Variants in FARS2 observed in about 807,000 individuals in gnomAD.
FARS2 encodes phenylalanine--tRNA ligase, mitochondrial.
In FARS2, 40 loss-of-function variants were observed where a neutral mutation model predicts 46.4. The observed-to-expected ratio is 0.86, with a 90% CI of 0.67 to 1.12. FARS2 has a LOEUF of 1.12. Ranked by LOEUF, FARS2 falls within the 50% of genes most tolerant of loss-of-function variation. The pLI is 0.00. For synonymous variants in FARS2, 234 were observed against 214.9 expected, an observed-to-expected ratio of 1.09 and a Z score of -0.78; for missense variants, 513 against 567.9, an observed-to-expected ratio of 0.90 and a Z score of 0.98.
chr6:5,476,285 G>T (rs450366), intron 4 of FARS2, among the ~76,000 whole-genome samples: 2 of 151,636 alleles, frequency 1.3e-5, no homozygotes, highest in African/African-American at 4.8e-5. Flanking sequence ...CCTTTGAGTC[G>T]TGTTTTCTAT....
intron 4 of FARS2, among the ~76,000 whole-genome samples, chr6:5,528,476 C>A (rs2150447080): frequency 6.6e-6 from 1 of 152,300 alleles, no homozygotes; most frequent in Admixed American, 6.5e-5. Flanking sequence ...CACTGATTTG[C>A]ATATGTATTT....
At position 5,505,090 on chromosome 6, in the gene FARS2, T is replaced by C. The variant is rs539446859; in HGVS notation, c.905-40090T>C. The stretch of plus-strand genomic sequence containing the variant: ...AATAAATAGACATTTCAAAATAATA[T>C]AATTTTAATTATTTGTGGTACCTAC... On this transcript the variant is annotated intron_variant, in intron 4 of 6. Transcript: ENST00000274680. 6.6e-5 allele frequency among the ~76,000 whole-genome samples: 10 copies of C among 152,370 alleles called. No homozygotes were observed. The South Asian group carries it at 2.1e-3, about 32-fold the overall frequency.
intron 1 of FARS2, among the ~76,000 whole-genome samples, chr6:5,315,610 A>G (rs1769410546): frequency 6.6e-6 from 1 of 152,212 alleles, no homozygotes; most frequent in African/African-American, 2.4e-5. Flanking sequence ...AAATCCATCT[A>G]CAATCTGAAA....
intron 5 of FARS2, among the ~76,000 whole-genome samples, chr6:5,568,590 A>C (rs904110985): frequency 6.6e-6 from 1 of 152,176 alleles, no homozygotes; most frequent in Non-Finnish European, 1.5e-5. Flanking sequence ...AAGTGTGAGC[A>C]AAGTCCTGGA....
upstream of FARS2, chr6:5,260,603 GGCCCCT>G: frequency 1.6e-6 from 1 of 636,426 alleles, no homozygotes; most frequent in East Asian, 3.8e-5. Flanking sequence ...CCCGGTCCCC[GGCCCCT>G]GGCCCCCCGC....
intron 6 of FARS2, among the ~76,000 whole-genome samples, chr6:5,655,917 C>T (rs558213374): frequency 1.2e-4 from 18 of 152,292 alleles, no homozygotes; most frequent in Admixed American, 2.0e-4. Flanking sequence ...TAACTCACTT[C>T]CCTGTTATAA....
intron 1 of FARS2, among the ~76,000 whole-genome samples, chr6:5,321,399 A>G (rs1769964034): frequency 6.6e-6 from 1 of 152,182 alleles, no homozygotes; most frequent in Non-Finnish European, 1.5e-5. Context: ...GGGCTTCTGC[A>G]TGAAGAGGGG....
chr6:5,610,012 G>A, intron 5 of FARS2: 3 of 1,008,708 alleles, frequency 3.0e-6, no homozygotes, highest in Admixed American at 1.7e-5. Flanking sequence ...CTCCGCAGTG[G>A]CATAGTGACA....
At chr6:5,383,136 A>ACCAT (rs1292585292) in intron 2 of FARS2, among the ~76,000 whole-genome samples, 1 of 152,218 alleles carries the variant, frequency 6.6e-6, no homozygotes, top group Non-Finnish European at 1.5e-5. Flanking sequence ...TAACCATCAT[A>ACCAT]CCATTCTTGG....
intron 1 of FARS2, among the ~76,000 whole-genome samples, chr6:5,325,642 A>G (rs1489341031): frequency 6.6e-6 from 1 of 152,232 alleles, no homozygotes; most frequent in Non-Finnish European, 1.5e-5. Flanking sequence ...TCCATTATCA[A>G]GCTAGCCATG....
chr6:5,410,620 T>C (rs1050853259), intron 3 of FARS2, among the ~76,000 whole-genome samples: 1 of 152,192 alleles, frequency 6.6e-6, no homozygotes, highest in African/African-American at 2.4e-5. Flanking sequence ...TTTACATTAA[T>C]AATAGCAATA....
In FARS2 at chr6:5,771,281, C is replaced by G. The variant is rs1338510038; in HGVS notation, c.1218-10C>G. The G allele has an allele frequency of 6.2e-7, 1 of 1,614,022 alleles. No homozygotes were observed. The highest frequency in any genetic ancestry group is 1.1e-5 in the South Asian group (1 of 91,060). On this transcript the variant is annotated splice_polypyrimidine_tract_variant and intron_variant, in intron 6 of 6. Coordinates refer to ENST00000274680, the MANE Select transcript of FARS2 (RefSeq NM_006567.5). ...TCCCGCACTCACCTGTGTTCTCTTCCTCTCTGTAGGACGCACAAGACCAGC... is the reference window on the plus strand; with the variant it reads ...TCCCGCACTCACCTGTGTTCTCTTCGTCTCTGTAGGACGCACAAGACCAGC...
chr6:5,454,965 G>C (rs558291293), intron 4 of FARS2, among the ~76,000 whole-genome samples: 1 of 152,304 alleles, frequency 6.6e-6, no homozygotes, highest in South Asian at 2.1e-4. Flanking sequence ...TAAACCAATT[G>C]TGATTATGTC....
In FARS2 at chr6:5,638,619, A is replaced by G. The variant is rs545481435; in HGVS notation, c.1217+25299A>G. ...TCCCAGTCTTCTCAGAGCAGGCCTC[A>G]CTGAAAACTGAGGACTCTCAGGAGA... On this transcript the variant is annotated intron_variant, in intron 6 of 6. Coordinates refer to ENST00000274680, the MANE Select transcript of FARS2 (RefSeq NM_006567.5). Among the ~76,000 whole-genome samples, 3 of 152,332 alleles carry G rather than the reference A, an allele frequency of 2.0e-5. No individual in the cohort carries two copies. The South Asian group carries it at 6.2e-4, about 32-fold the overall frequency.
intron 1 of FARS2, among the ~76,000 whole-genome samples, chr6:5,310,785 C>G (rs1211763475): frequency 1.3e-5 from 2 of 152,090 alleles, no homozygotes; most frequent in South Asian, 4.1e-4. Flanking sequence ...AGGCAGAGGC[C>G]CTTTTTAACA....
intron 1 of FARS2, among the ~76,000 whole-genome samples, chr6:5,301,388 C>T (rs1287509675): frequency 6.6e-6 from 1 of 152,084 alleles, no homozygotes; most frequent in African/African-American, 2.4e-5. Flanking sequence ...GAGTTTGAGG[C>T]TGCAGTGAGC....
chr6:5,631,479 C>G (rs569393418), intron 6 of FARS2, among the ~76,000 whole-genome samples: 49 of 152,300 alleles, frequency 3.2e-4, no homozygotes, highest in African/African-American at 1.1e-3. Flanking sequence ...TTCAAGGTCC[C>G]TCTAACCTTC....
chr6:5,495,344 T>A (rs1767396202), intron 4 of FARS2, among the ~76,000 whole-genome samples: 1 of 152,230 alleles, frequency 6.6e-6, no homozygotes, highest in South Asian at 2.1e-4. Flanking sequence ...AACTTTATTG[T>A]TTTTCTCTGT....
chr6:5,762,644 CTT>C (rs2150980103), intron 6 of FARS2, among the ~76,000 whole-genome samples: 1 of 152,344 alleles, frequency 6.6e-6, no homozygotes, highest in East Asian at 1.9e-4. Flanking sequence ...CTAAGGAACT[CTT>C]ACGTTGCCGA....
Sources: allele counts gnomAD v4.1 joint callset (sites outside exome capture counted in the v4.1 genomes callset), GRCh38; gene constraint gnomAD v4.1.1; transcripts MANE v1.5; gene names NCBI Gene and HGNC (gene_info 2026-07-23, HGNC 2026-07-21).